SSX1: variants seen among roughly 807,000 people sequenced by gnomAD.
SSX1 encodes the protein SSX family member 1.
SSX1 carries 58 observed loss-of-function variants against 14.6 expected under a neutral mutation model. The observed-to-expected ratio is 3.96, with a 90% CI of 3.21 to 4.93. The LOEUF is 4.93. Among genes scored for constraint, SSX1 ranks in the 30% most tolerant of loss-of-function variants. The pLI, the probability that SSX1 is intolerant of heterozygous loss-of-function variation, is 0.00. For synonymous variants in SSX1, 46 were observed against 52.1 expected (o/e 0.88, Z 0.50); for missense variants, 272 against 143.1 (o/e 1.90, Z -4.60).
chrX:48,259,983 G>A (rs1225922836), intron 4 of SSX1, among the ~76,000 whole-genome samples: 5 of 101,237 alleles, frequency 4.9e-5, no homozygotes, highest in African/African-American at 1.8e-4. Flanking sequence ...GGGATGGCTG[G>A]GTCAAATGGT....
rs1347933005 is a variant in SSX1 at position 48,257,259 on chromosome X, CT to C, written c.21del (p.Phe7LeufsTer34). On this transcript the variant is annotated frameshift_variant, in exon 2 of 8. Transcript: ENST00000376919. LOFTEE classifies it high-confidence loss of function. Reference protein sequence around the residue: MNGDDTFAKRPRDDAKA... With the variant: MNGDDTXAKRPRDDAKA... ...CTGGTGCCATGAACGGAGACGACACCTTTGCAAAGAGACCCAGGGATGATGC... is the reference window on the plus strand; with the variant it reads ...CTGGTGCCATGAACGGAGACGACACCTTGCAAAGAGACCCAGGGATGATGC... 5 of 1,209,268 alleles carry C rather than the reference CT, an allele frequency of 4.1e-6. No individual in the cohort carries two copies. The highest frequency in any genetic ancestry group is 1.8e-5 in the African/African-American group (1 of 57,102).
rs192894086 is a variant in SSX1, at chrX:48,262,604, C to A, written c.330+789C>A. Among the ~76,000 whole-genome samples, 746 of 111,301 alleles carry A rather than the reference C, an allele frequency of 6.7e-3. 5 individuals are homozygous for A. Among genetic ancestry groups the A allele is most frequent in the Non-Finnish European group, 0.01 (547 of 53,018 alleles). On this transcript the variant is annotated intron_variant, in intron 5 of 7. Transcript: ENST00000376919. ...AAGCCCCAGTCCCAGCCCAGGGGATCCCTCAGAGGCCCCTGAATGAGTGAT... is the reference window on the plus strand; with the variant it reads ...AAGCCCCAGTCCCAGCCCAGGGGATACCTCAGAGGCCCCTGAATGAGTGAT...
At chrX:48,266,817 C>T (rs2059625561) in intron 7 of SSX1, 37 bp from the exon 8 acceptor site, 5 of 891,833 alleles carry the variant, frequency 5.6e-6, no homozygotes, top group South Asian at 2.0e-5. Context: ...AGTGGGAACT[C>T]GCTGTCACTT....
intron 1 of SSX1, 49 bp from the exon 2 acceptor site, chrX:48,257,173 A>T (rs1282962408): frequency 7.9e-6 from 9 of 1,137,723 alleles, no homozygotes; most frequent in Non-Finnish European, 1.1e-5. Context: ...CTCCCTCCAT[A>T]GGACCAAGGG....
Position 48,262,061 on chromosome X carries a change from A to G in SSX1, c.330+246A>G, listed in dbSNP as rs782076213. Among the ~76,000 whole-genome samples, 6 of 112,281 alleles carry G rather than the reference A, an allele frequency of 5.3e-5. No individual in the cohort carries two copies. The East Asian group carries it at 1.7e-3, about 31-fold the overall frequency. On this transcript the variant is annotated intron_variant, in intron 5 of 7. Coordinates refer to ENST00000376919, the MANE Select transcript of SSX1 (RefSeq NM_005635.4). ...TCACATGGATTAATTAATTTAATCC[A>G]TAAGAAGACCTCTATGACATTGTTT...
rs1556936650 is a variant in SSX1 at position 48,267,262 on chromosome X, CA to C, written c.*414del. On this transcript the variant is annotated 3_prime_UTR_variant, in exon 8 of 8. Transcript: ENST00000376919. The stretch of plus-strand genomic sequence containing the variant: ...AGACTTTTTCCTCTGCATTTACACA[CA>C]CACACACACACACACGCACACACAC... 4.6e-6 allele frequency: 1 copy of C among 217,040 alleles called. No individual in the cohort carries two copies. Among genetic ancestry groups the C allele is most frequent in the African/African-American group, 3.3e-5 (1 of 30,105 alleles). The allele number at this position is 217,040 out of a possible 1,213,427, so 17.9% of individuals were successfully genotyped here.
At chrX:48,265,684 A>G (rs2059620413) in intron 6 of SSX1, among the ~76,000 whole-genome samples, 1 of 112,009 alleles carries the variant, frequency 8.9e-6, no homozygotes, top group African/African-American at 3.2e-5. Flanking sequence ...TAAATGCTTG[A>G]TGGGATGGAT....
Position 48,264,907 on chromosome X carries a change from C to G in SSX1, c.466+990C>G, listed in dbSNP as rs782141321. 4.4e-5 allele frequency among the ~76,000 whole-genome samples: 5 copies of G among 112,663 alleles called. No individual in the cohort carries two copies. The South Asian group carries it at 1.8e-3, about 41-fold the overall frequency. On this transcript the variant is annotated intron_variant, in intron 6 of 7. Coordinates refer to ENST00000376919, the MANE Select transcript of SSX1 (RefSeq NM_005635.4). ...TTCTGGATAACTTGCTGCAGCTTCT[C>G]CATCAGTGTTTGCTGCTACACCTTG... is the stretch of plus-strand genomic sequence containing the variant.
chrX:48,266,465 T>G, intron 7 of SSX1, 74 bp downstream of exon 7: 1 of 1,199,720 alleles, frequency 8.3e-7, no homozygotes. Flanking sequence ...TATCCCATCT[T>G]GTCATTTGTT....
rs782049650 is a variant in SSX1 at position 48,266,295 on chromosome X, A to AG, written c.480dup (p.Lys161GlufsTer10). 5.6e-5 allele frequency: 68 copies of AG among 1,207,835 alleles called. No individual in the cohort carries two copies. The highest frequency in any genetic ancestry group is 7.2e-5 in the Non-Finnish European group (64 of 894,970). On this transcript the variant is annotated frameshift_variant, in exon 7 of 8. Coordinates refer to ENST00000376919, the MANE Select transcript of SSX1 (RefSeq NM_005635.4). LOFTEE classifies it high-confidence loss of function. ...ACTCTTCTCCATCATAGGACCCAAA[A>AG]GGGGGAAACATGCCTGGACCCACAG...
chrX:48,261,086 G>A (rs782300993), intron 4 of SSX1, among the ~76,000 whole-genome samples: 1 of 111,892 alleles, frequency 8.9e-6, no homozygotes, highest in Admixed American at 9.6e-5. Context: ...ACAGGTTCTT[G>A]GGTAGAGATC....
chrX:48,263,035 G>T (rs1234470072), intron 5 of SSX1, among the ~76,000 whole-genome samples: 15 of 110,421 alleles, frequency 1.4e-4, no homozygotes, highest in African/African-American at 4.6e-4. Context: ...TCAGGAGGCT[G>T]AGACAGGGGA....
chrX:48,257,351 C>A, intron 2 of SSX1, 41 bp downstream of exon 2: 1 of 1,200,337 alleles, frequency 8.3e-7, no homozygotes, highest in South Asian at 1.8e-5. Flanking sequence ...GTCCAGGGGA[C>A]AGAGTAGGGT....
Position 48,266,301 on chromosome X carries a change from A to T in SSX1, c.481A>T (p.Lys161Ter). 4 of 1,209,869 alleles carry T rather than the reference A, an allele frequency of 3.3e-6. No individual in the cohort carries two copies. The highest frequency in any genetic ancestry group is 4.5e-6 in the Non-Finnish European group (4 of 895,281). Residue 161 changes from lysine to a stop codon, truncating the protein, a stop_gained, in exon 7 of 8, where the codon AAA becomes TAA. Coordinates refer to ENST00000376919, the MANE Select transcript of SSX1 (RefSeq NM_005635.4). LOFTEE classifies it high-confidence loss of function. The stretch of plus-strand genomic sequence containing the variant: ...CTCCATCATAGGACCCAAAAGGGGG[A>T]AACATGCCTGGACCCACAGACTGCG... ...INKRSGPKRG[K>*]HAWTHRLRER...
chrX:48,264,454 A>G (rs1324068032), intron 6 of SSX1, among the ~76,000 whole-genome samples: 1 of 112,729 alleles, frequency 8.9e-6, no homozygotes, highest in Non-Finnish European at 1.9e-5. Context: ...GTGCAATAGC[A>G]TTATGTCTAA....
chrX:48,257,100 C>A, intron 1 of SSX1, 122 bp from the exon 2 acceptor site: 1 of 610,312 alleles, frequency 1.6e-6, no homozygotes, highest in South Asian at 2.7e-5. Context: ...ACAGGTAAGC[C>A]CCGAATGGAG....
chrX:48,258,388 C>G lies in SSX1; in HGVS notation c.185-148C>G, dbSNP rs1353577952. ...TTTTATAATTTGTAGATATGGGGGTCTCTCTATGTTACACAGGCTCATCTT... is the reference window on the plus strand; with the variant it reads ...TTTTATAATTTGTAGATATGGGGGTGTCTCTATGTTACACAGGCTCATCTT... On this transcript the variant is annotated intron_variant, in intron 3 of 7. Coordinates refer to ENST00000376919, the MANE Select transcript of SSX1 (RefSeq NM_005635.4). 1.7e-5 allele frequency: 8 copies of G among 481,041 alleles called. No individual in the cohort carries two copies. The East Asian group carries it at 2.2e-4, about 13-fold the overall frequency. The allele number at this position is 481,041 out of a possible 1,213,427, so 39.6% of individuals were successfully genotyped here.
intron 1 of SSX1, among the ~76,000 whole-genome samples, chrX:48,255,970 G>T (rs1324467895): frequency 9.7e-6 from 1 of 103,349 alleles, no homozygotes; most frequent in Non-Finnish European, 2.0e-5. Context: ...CTGGGCTCAA[G>T]CGATCCTCAC....
chrX:48,256,282 C>T (rs1225595512), intron 1 of SSX1, among the ~76,000 whole-genome samples: 2 of 106,542 alleles, frequency 1.9e-5, no homozygotes, highest in East Asian at 5.9e-4. Flanking sequence ...GCGAGCACCA[C>T]CCCGCCCCCA....
Sources: gnomAD v4.1 joint callset for allele counts (sites outside exome capture counted in the v4.1 genomes callset) on GRCh38, gnomAD v4.1.1 for gene constraint, MANE v1.5 for transcripts, NCBI Gene and HGNC (gene_info 2026-07-23, HGNC 2026-07-21) for gene names.